TCF12: variants seen among roughly 807,000 people sequenced by gnomAD.
TCF12 encodes the protein DNA-binding protein HTF4.
Under a neutral mutation model 86.0 loss-of-function variants are expected in TCF12, and 45 were observed. That is an observed-to-expected ratio of 0.52 (90% CI 0.41 to 0.67). TCF12 has a LOEUF of 0.67. Among genes scored for constraint, TCF12 ranks in the 30% least tolerant of loss-of-function variants. The probability of loss-of-function intolerance (pLI) is 0.00; values close to 1 mark genes in which losing one functional copy is unlikely to be tolerated. For synonymous variants in TCF12, 330 were observed against 299.6 expected, an observed-to-expected ratio of 1.10 and a Z score of -1.05; for missense variants, 881 against 859.9, an observed-to-expected ratio of 1.02 and a Z score of -0.31.
At chr15:57,243,426 C>T (rs2059718665) in intron 12 of TCF12, 46 bp from the exon 13 acceptor site, 3 of 1,471,726 alleles carry the variant, frequency 2.0e-6, no homozygotes, top group African/African-American at 1.4e-5. Context: ...TGTGTATGTG[C>T]TGTTGTCACA....
intron 3 of TCF12, among the ~76,000 whole-genome samples, chr15:56,993,536 C>A (rs1166695723): frequency 8.5e-5 from 13 of 152,136 alleles, no homozygotes; most frequent in Admixed American, 3.3e-4. Context: ...AGTACTGAGA[C>A]CACGTGTAAA....
At chr15:57,031,866 C>T (rs1458226804) in intron 3 of TCF12, among the ~76,000 whole-genome samples, 2 of 152,144 alleles carry the variant, frequency 1.3e-5, no homozygotes, top group African/African-American at 4.8e-5. Context: ...TAGTCCCAGG[C>T]AATCACATGG....
intron 3 of TCF12, among the ~76,000 whole-genome samples, chr15:57,027,981 T>G (rs1418579265): frequency 2.6e-5 from 4 of 152,140 alleles, no homozygotes; most frequent in African/African-American, 9.7e-5. Flanking sequence ...TTTTTTCTTT[T>G]GAGATGGAGT....
At chr15:56,948,720 C>G (rs2061126498) in intron 3 of TCF12, among the ~76,000 whole-genome samples, 1 of 152,108 alleles carries the variant, frequency 6.6e-6, no homozygotes, top group South Asian at 2.1e-4. Context: ...ACAGAGGTAC[C>G]AAAAGTTTTT....
At chr15:57,136,706 C>T (rs1407064148) in intron 5 of TCF12, among the ~76,000 whole-genome samples, 4 of 152,140 alleles carry the variant, frequency 2.6e-5, no homozygotes, top group African/African-American at 9.7e-5. Flanking sequence ...GACAAGGTCT[C>T]ACTCTGTCAC....
intron 5 of TCF12, among the ~76,000 whole-genome samples, chr15:57,165,674 C>G (rs1357698639): frequency 2.7e-5 from 4 of 150,232 alleles, no homozygotes; most frequent in Non-Finnish European, 5.9e-5. Context: ...GTAGCTGGGA[C>G]TACAGGCGCA....
At chr15:56,941,617 C>T (rs752640301) in intron 3 of TCF12, among the ~76,000 whole-genome samples, 7 of 151,702 alleles carry the variant, frequency 4.6e-5, no homozygotes, top group Non-Finnish European at 1.0e-4. Flanking sequence ...TCAGGTGATC[C>T]GCCTTCCTCG....
At chr15:57,117,548 A>G (rs1434774661) in intron 5 of TCF12, among the ~76,000 whole-genome samples, 8 of 152,184 alleles carry the variant, frequency 5.3e-5, no homozygotes, top group African/African-American at 1.7e-4. Flanking sequence ...TCTGGGTTCA[A>G]ATTCTGGCTC....
intron 6 of TCF12, among the ~76,000 whole-genome samples, chr15:57,187,570 G>C (rs2056747827): frequency 6.6e-6 from 1 of 152,128 alleles, no homozygotes; most frequent in African/African-American, 2.4e-5. Flanking sequence ...ACAAATTTGT[G>C]TTGAGCCACA....
intron 3 of TCF12, among the ~76,000 whole-genome samples, chr15:56,970,038 A>G (rs1180983525): frequency 6.6e-6 from 1 of 152,222 alleles, no homozygotes; most frequent in African/African-American, 2.4e-5. Flanking sequence ...CATTTTGTGA[A>G]TTAGATTTTT....
intron 6 of TCF12, among the ~76,000 whole-genome samples, chr15:57,179,589 G>A (rs764483084): frequency 3.3e-5 from 5 of 151,922 alleles, no homozygotes; most frequent in South Asian, 2.1e-4. Context: ...TACATTTGAT[G>A]GATGACTGTC....
chr15:57,174,575 T>G (rs930106418), intron 6 of TCF12, among the ~76,000 whole-genome samples: 1 of 152,148 alleles, frequency 6.6e-6, no homozygotes, highest in African/African-American at 2.4e-5. Flanking sequence ...GTTATAGAAA[T>G]TGAAAAGGAG....
intron 3 of TCF12, among the ~76,000 whole-genome samples, chr15:56,938,399 TC>T (rs1452799055): frequency 9.9e-5 from 15 of 152,094 alleles, no homozygotes; most frequent in African/African-American, 3.1e-4. Flanking sequence ...GACCTTGTGA[TC>T]CCCCTGCCTC....
At chr15:57,006,449 C>T (rs112160007) in intron 3 of TCF12, among the ~76,000 whole-genome samples, 1,793 of 151,608 alleles carry the variant, frequency 0.012, 36 homozygotes, top group African/African-American at 0.04. Context: ...GGATTACAGG[C>T]GCCTGCCACC....
intron 3 of TCF12, among the ~76,000 whole-genome samples, chr15:57,047,856 TAGATG>T (rs1299141093): frequency 6.6e-6 from 1 of 152,238 alleles, no homozygotes; most frequent in African/African-American, 2.4e-5. Context: ...TACACAAACT[TAGATG>T]GTATAGCTTA....
intron 12 of TCF12, 95 bp downstream of exon 12, chr15:57,234,202 AT>A: frequency 1.1e-6 from 1 of 934,138 alleles, no homozygotes; most frequent in Non-Finnish European, 1.7e-6. Flanking sequence ...AAGAGTATAG[AT>A]GTAACAAGAT....
intron 16 of TCF12, 128 bp from the exon 17 acceptor site, chr15:57,261,966 C>T: frequency 5.5e-6 from 3 of 542,040 alleles, no homozygotes; most frequent in Admixed American, 7.2e-5. Flanking sequence ...TAATGGCATC[C>T]AGAAAAAGTT....
chr15:57,062,397 T>G (rs1385014526), intron 3 of TCF12, among the ~76,000 whole-genome samples: 1 of 152,066 alleles, frequency 6.6e-6, no homozygotes, highest in Non-Finnish European at 1.5e-5. Context: ...TCACTTGAAA[T>G]TGTGCCTGGA....
chr15:57,260,792 A>G (rs1206767001), intron 16 of TCF12, among the ~76,000 whole-genome samples: 1 of 152,176 alleles, frequency 6.6e-6, no homozygotes, highest in Non-Finnish European at 1.5e-5. Context: ...ACTTCATAGT[A>G]AGAAAGCACC....
Sources: gnomAD v4.1 joint callset for allele counts (sites outside exome capture counted in the v4.1 genomes callset) on GRCh38, gnomAD v4.1.1 for gene constraint, MANE v1.5 for transcripts, NCBI Gene and HGNC (gene_info 2026-07-23, HGNC 2026-07-21) for gene names.